DMXL1: variants seen among roughly 807,000 people sequenced by gnomAD.
The protein encoded by DMXL1 is dmX-like protein 1.
Under a neutral mutation model 319.2 loss-of-function variants are expected in DMXL1, and 99 were observed. The ratio of observed to expected loss-of-function variants is 0.31; its 90% confidence interval spans 0.26 to 0.37. The LOEUF is 0.37. DMXL1 is among the 10% of genes least tolerant of loss of function. The probability of loss-of-function intolerance (pLI) is 1.00; values close to 1 mark genes in which losing one functional copy is unlikely to be tolerated. For missense variants in DMXL1, 3,745 were observed against 3,595.6 expected, an observed-to-expected ratio of 1.04 and a Z score of -1.06; for synonymous variants, 1,385 against 1,235.2, an observed-to-expected ratio of 1.12 and a Z score of -2.54.
intron 43 of DMXL1, 74 bp downstream of exon 43, chr5:119,244,650 A>T: frequency 5.9e-6 from 6 of 1,015,128 alleles, no homozygotes; most frequent in Non-Finnish European, 9.0e-6. Context: ...CGTATTGATG[A>T]CATCAATCTA....
intron 42 of DMXL1, among the ~76,000 whole-genome samples, chr5:119,242,102 G>C (rs767337614): frequency 2.0e-5 from 3 of 152,130 alleles, no homozygotes; most frequent in Non-Finnish European, 4.4e-5. Context: ...AAATAGACTA[G>C]TATCTACATA....
chr5:119,166,061 C>G lies in DMXL1; in HGVS notation c.4971-555C>G, dbSNP rs1025038562. Among the ~76,000 whole-genome samples, 3 of 152,216 alleles carry G rather than the reference C, an allele frequency of 2.0e-5. No homozygotes were observed. The South Asian group carries it at 6.2e-4, about 32-fold the overall frequency. On this transcript the variant is annotated intron_variant, in intron 21 of 43. Coordinates refer to ENST00000539542, the MANE Select transcript of DMXL1 (RefSeq NM_001290321.3). Reference sequence around the variant, plus strand: ...CCACCTTCTTTCTGAGCTGAATTCACTTAGAATTTTTCTCTCTCACTTCTG... The same window carrying G: ...CCACCTTCTTTCTGAGCTGAATTCAGTTAGAATTTTTCTCTCTCACTTCTG...
chr5:119,095,251 T>G (rs1393844204), intron 1 of DMXL1, among the ~76,000 whole-genome samples: 2 of 152,166 alleles, frequency 1.3e-5, no homozygotes, highest in Admixed American at 1.3e-4. Context: ...CAAATAGTAG[T>G]AGTATGATGC....
rs1453198981 is a variant in DMXL1, at chr5:119,077,971, GCAGTCCACCTGC to G, written c.87+6317_87+6328del. ...GCTGTTTTCAAATTCCTGAGCTCAA[GCAGTCCACCTGC>G]CTCAGCCTCCCAAAGTGCTGGGATT... On this transcript the variant is annotated intron_variant, in intron 1 of 43. Coordinates refer to ENST00000539542, the MANE Select transcript of DMXL1 (RefSeq NM_001290321.3). Among the ~76,000 whole-genome samples, 18 of 151,338 alleles carry G rather than the reference GCAGTCCACCTGC, an allele frequency of 1.2e-4. No homozygotes were observed. In the East Asian group the frequency reaches 3.6e-3, roughly 30 times the overall value.
intron 35 of DMXL1, among the ~76,000 whole-genome samples, chr5:119,218,895 T>G (rs1233977564): frequency 6.6e-6 from 1 of 152,228 alleles, no homozygotes; most frequent in East Asian, 1.9e-4. Context: ...TCAAAAACTA[T>G]GAAGGGTCTC....
In DMXL1 at chr5:119,121,123, C is replaced by T; in HGVS notation, c.1086C>T (p.Ser362=). 3 of 1,605,170 alleles carry T rather than the reference C, an allele frequency of 1.9e-6. No homozygotes were observed. The highest frequency in any genetic ancestry group is 1.7e-4 in the Middle Eastern group (1 of 6,044). Reference sequence around the variant, plus strand: ...TTTGCCACTTTCATATTGCAGCCAGCATCAACCCAGCCACAGGTAATGAAA... The same window carrying T: ...TTTGCCACTTTCATATTGCAGCCAGTATCAACCCAGCCACAGGTAATGAAA... ...NALCHFHIAA[S]INPATDIPLL... Residue 362 remains serine, a synonymous_variant, in exon 9 of 44, where the codon AGC becomes AGT. Coordinates refer to ENST00000539542, the MANE Select transcript of DMXL1 (RefSeq NM_001290321.3).
Position 119,248,405 on chromosome 5 carries a change from C to T in DMXL1, c.*1186C>T, listed in dbSNP as rs1439851738. The T allele has an allele frequency of 6.6e-6, 1 of 152,338 alleles. No individual in the cohort carries two copies. The highest frequency in any genetic ancestry group is 1.5e-5 in the Non-Finnish European group (1 of 67,898). 9.4% of individuals were successfully genotyped at this position (152,338 alleles called of 1,614,324 possible). On this transcript the variant is annotated 3_prime_UTR_variant, in exon 44 of 44. Transcript: ENST00000539542. The stretch of plus-strand genomic sequence containing the variant: ...TGCTTTTAACTTAAATGTGCTAACC[C>T]TGTTTCTGTCTGTTTTGTGCTGTAC...
intron 34 of DMXL1, among the ~76,000 whole-genome samples, chr5:119,208,620 A>T (rs1339177751): frequency 1.3e-5 from 2 of 152,156 alleles, no homozygotes; most frequent in African/African-American, 4.8e-5. Flanking sequence ...ACGTCAAAAT[A>T]CAGTCTTTTT....
intron 9 of DMXL1, chr5:119,128,306 A>G (rs928857906): frequency 1.0e-5 from 3 of 291,094 alleles, no homozygotes; most frequent in African/African-American, 4.5e-5. Flanking sequence ...ATGAATTCCA[A>G]CCCTCTCTTC....
At chr5:119,120,665 T>C (rs565864706) in intron 8 of DMXL1, among the ~76,000 whole-genome samples, 1 of 152,342 alleles carries the variant, frequency 6.6e-6, no homozygotes, top group South Asian at 2.1e-4. Flanking sequence ...GAAAAAAATT[T>C]TTAACATTTG....
chr5:119,094,908 G>A lies in DMXL1; in HGVS notation c.88-3071G>A, dbSNP rs979338997. Among the ~76,000 whole-genome samples, 5 of 149,804 alleles carry A rather than the reference G, an allele frequency of 3.3e-5. No individual in the cohort carries two copies. In the Admixed American group the frequency reaches 3.3e-4, roughly 10 times the overall value. On this transcript the variant is annotated intron_variant, in intron 1 of 43. Transcript: ENST00000539542. ...TAGACAAGGTCTCACTCTGTTGCCT[G>A]GGCTGGAGTGTAGTGATGCTCACCA...
At chr5:119,178,413 G>A (rs1305582989) in intron 28 of DMXL1, among the ~76,000 whole-genome samples, 169 bp downstream of exon 28, 1 of 152,158 alleles carries the variant, frequency 6.6e-6, no homozygotes, top group Admixed American at 6.6e-5. Flanking sequence ...AGTTTCTGGT[G>A]CAGTTTTTAA....
intron 8 of DMXL1, 61 bp from the exon 9 acceptor site, chr5:119,120,910 A>G (rs1241994144): frequency 6.8e-6 from 9 of 1,316,140 alleles, no homozygotes; most frequent in Non-Finnish European, 3.1e-6. Flanking sequence ...CAATCATTAT[A>G]TAACCTATAC....
At chr5:119,237,288 T>C (rs772468002) in intron 39 of DMXL1, 34 bp from the exon 40 acceptor site, 2 of 1,278,946 alleles carry the variant, frequency 1.6e-6, no homozygotes, top group African/African-American at 3.0e-5. Context: ...TTTATATTTA[T>C]ATTAAATACT....
Position 119,118,818 on chromosome 5 carries a change from T to C in DMXL1, c.747T>C (p.Ala249=), listed in dbSNP as rs1340030019. ...WRKTSKYMPR[A]SVCNVLLTCC... Reference sequence around the variant, plus strand: ...CTAAAATCTTTTCATTCCTTAGGGCTTCTGTATGTAATGTACTGTTGACTT... The same window carrying C: ...CTAAAATCTTTTCATTCCTTAGGGCCTCTGTATGTAATGTACTGTTGACTT... The change falls in exon 8 of 44, where the codon GCT becomes GCC. Residue 249 remains alanine (A), a synonymous_variant. Transcript: ENST00000539542. 2 of 1,596,922 alleles carry C rather than the reference T, an allele frequency of 1.3e-6. No homozygotes were observed. Among genetic ancestry groups the C allele is most frequent in the South Asian group, 1.2e-5 (1 of 86,758 alleles).
intron 5 of DMXL1, among the ~76,000 whole-genome samples, chr5:119,111,718 G>A (rs895264648): frequency 1.3e-5 from 2 of 152,134 alleles, no homozygotes; most frequent in Admixed American, 6.6e-5. Context: ...GGGCAAATGC[G>A]TTTTTAAAAG....
intron 24 of DMXL1, among the ~76,000 whole-genome samples, chr5:119,171,555 A>G (rs6866260): frequency 0.3 from 44,043 of 146,704 alleles, 7,200 homozygotes; most frequent in East Asian, 0.61. Context: ...TTGCAAGAGG[A>G]TATTGTCTTA....
At chr5:119,083,851 T>C (rs984845232) in intron 1 of DMXL1, among the ~76,000 whole-genome samples, 4 of 152,132 alleles carry the variant, frequency 2.6e-5, no homozygotes, top group Non-Finnish European at 4.4e-5. Context: ...TTTTAGGTTT[T>C]TGAGAACCTG....
chr5:119,229,505 T>C (rs940918732), intron 38 of DMXL1, among the ~76,000 whole-genome samples: 7 of 152,250 alleles, frequency 4.6e-5, no homozygotes, highest in Admixed American at 2.6e-4. Flanking sequence ...AAATTCCTCT[T>C]ACACAAACCC....
Sources: gnomAD v4.1 joint callset for allele counts (sites outside exome capture counted in the v4.1 genomes callset) on GRCh38, gnomAD v4.1.1 for gene constraint, MANE v1.5 for transcripts, NCBI Gene and HGNC (gene_info 2026-07-23, HGNC 2026-07-21) for gene names.